The following PAK5 variants were observed in gnomAD, a reference collection of about 807,000 sequenced individuals.
The protein encoded by PAK5 is p21 (RAC1) activated kinase 5.
PAK5 carries 16 observed loss-of-function variants against 65.9 expected under a neutral mutation model. That is an observed-to-expected ratio of 0.24 (90% CI 0.16 to 0.37). PAK5 has a LOEUF of 0.37. Ranked by LOEUF, PAK5 falls within the 10% of genes least tolerant of loss-of-function variation. The probability of loss-of-function intolerance (pLI) is 1.00; values close to 1 mark genes in which losing one functional copy is unlikely to be tolerated. For synonymous variants in PAK5, 371 were observed against 354.9 expected, an observed-to-expected ratio of 1.05 and a Z score of -0.51; for missense variants, 785 against 903.9, an observed-to-expected ratio of 0.87 and a Z score of 1.69.
chr20:9,711,296 T>C lies in PAK5; in HGVS notation c.-22A>G, dbSNP rs1569053279. ...AATTTATTCCCCTACCTTTATATGA[T>C]GGCTGTGGATGAATTAAAGACTCCA... On this transcript the variant is annotated 5_prime_UTR_variant, in exon 2 of 10. Transcript: ENST00000353224. 1 of 152,190 alleles carries C rather than the reference T, an allele frequency of 6.6e-6. No individual in the cohort carries two copies. The highest frequency in any genetic ancestry group is 1.5e-5 in the Non-Finnish European group (1 of 68,040). 9.4% of individuals were successfully genotyped at this position (152,190 alleles called of 1,614,324 possible).
chr20:9,759,745 G>A (rs1441548245), intron 1 of PAK5, among the ~76,000 whole-genome samples: 1 of 152,106 alleles, frequency 6.6e-6, no homozygotes, highest in Non-Finnish European at 1.5e-5. Flanking sequence ...ACCCAGCTAC[G>A]AAATGACTCC....
intron 7 of PAK5, among the ~76,000 whole-genome samples, chr20:9,546,257 C>T (rs1251458706): frequency 1.3e-5 from 2 of 152,200 alleles, no homozygotes; most frequent in South Asian, 2.1e-4. Flanking sequence ...CTTTATCACA[C>T]ACCTATCTCT....
chr20:9,626,353 A>G (rs988138386), intron 3 of PAK5, among the ~76,000 whole-genome samples: 1 of 152,254 alleles, frequency 6.6e-6, no homozygotes, highest in Admixed American at 6.5e-5. Flanking sequence ...ACCCCAGGGA[A>G]CTAACTGCAG....
intron 1 of PAK5, among the ~76,000 whole-genome samples, chr20:9,820,872 C>A (rs1326537597): frequency 6.6e-6 from 1 of 152,122 alleles, no homozygotes; most frequent in Non-Finnish European, 1.5e-5. Flanking sequence ...TCAGGTTCAA[C>A]AATTAGAGTA....
Position 9,811,613 on chromosome 20 carries a change from C to T in PAK5, c.-162+27149G>A, listed in dbSNP as rs145160014. Among the ~76,000 whole-genome samples the T allele has an allele frequency of 8.3e-4, 126 of 152,268 alleles. 4 individuals are homozygous for T. The highest frequency in any genetic ancestry group is 2.8e-3 in the African/African-American group (116 of 41,566). ...CTGAACAAGAATGGCTGCATTCAAC[C>T]TAGCTGGTCTATACATCTAGAAACT... On this transcript the variant is annotated intron_variant, in intron 1 of 9. Transcript: ENST00000353224.
intron 1 of PAK5, among the ~76,000 whole-genome samples, chr20:9,802,131 G>T (rs1119434): frequency 0.59 from 89,637 of 151,982 alleles, 26,562 homozygotes; most frequent in Admixed American, 0.65. Context: ...AGATTAGCCC[G>T]ATAGGGCATG....
chr20:9,584,871 G>A (rs1245026126), intron 3 of PAK5, among the ~76,000 whole-genome samples: 1 of 152,146 alleles, frequency 6.6e-6, no homozygotes, highest in Non-Finnish European at 1.5e-5. Context: ...CAAACAAAAT[G>A]TCATCAGGAA....
intron 7 of PAK5, among the ~76,000 whole-genome samples, chr20:9,549,023 AT>A (rs1446188220): frequency 6.6e-6 from 1 of 152,142 alleles, no homozygotes; most frequent in African/African-American, 2.4e-5. Flanking sequence ...AGATCATAGA[AT>A]TTCACATGTA....
chr20:9,662,514 A>T (rs1181156862), intron 2 of PAK5, among the ~76,000 whole-genome samples: 1 of 152,158 alleles, frequency 6.6e-6, no homozygotes, highest in Non-Finnish European at 1.5e-5. Flanking sequence ...GCATGTGCAC[A>T]GAAGTGAAAT....
chr20:9,552,913 G>A (rs73241759), intron 7 of PAK5, among the ~76,000 whole-genome samples: 1,848 of 152,076 alleles, frequency 0.012, 32 homozygotes, highest in African/African-American at 0.04. Flanking sequence ...GTAGAGATGA[G>A]ATGGGACTTC....
At chr20:9,564,155 A>T (rs6039503) in intron 5 of PAK5, among the ~76,000 whole-genome samples, 57,435 of 152,038 alleles carry the variant, frequency 0.38, 14,078 homozygotes, top group African/African-American at 0.71. Flanking sequence ...ACAAAAACTT[A>T]TCTTTCCCCT....
chr20:9,710,882 G>T (rs2048069688), intron 2 of PAK5, among the ~76,000 whole-genome samples: 1 of 152,060 alleles, frequency 6.6e-6, no homozygotes, highest in South Asian at 2.1e-4. Context: ...ATGGATCCTG[G>T]TTCATGACAC....
At chr20:9,746,035 A>G (rs963020383) in intron 1 of PAK5, among the ~76,000 whole-genome samples, 4 of 152,212 alleles carry the variant, frequency 2.6e-5, no homozygotes, top group African/African-American at 9.6e-5. Context: ...ACCCAATGTT[A>G]ATAAAAAATG....
intron 4 of PAK5, among the ~76,000 whole-genome samples, chr20:9,579,391 A>C (rs1351556553): frequency 6.6e-6 from 1 of 152,182 alleles, no homozygotes; most frequent in Non-Finnish European, 1.5e-5. Context: ...GGACCCATAG[A>C]CCTTTGCCTG....
At chr20:9,553,209 T>A (rs2045456615) in intron 7 of PAK5, among the ~76,000 whole-genome samples, 1 of 152,132 alleles carries the variant, frequency 6.6e-6, no homozygotes, top group Admixed American at 6.5e-5. Flanking sequence ...GTGTGTAGTG[T>A]ATATAAGTAT....
intron 1 of PAK5, among the ~76,000 whole-genome samples, chr20:9,804,204 C>A (rs1183571021): frequency 6.6e-6 from 1 of 152,154 alleles, no homozygotes; most frequent in Non-Finnish European, 1.5e-5. Context: ...CTGAGAGGTG[C>A]TGTCATAGTT....
chr20:9,787,214 G>T (rs962224640), intron 1 of PAK5, among the ~76,000 whole-genome samples: 6 of 152,110 alleles, frequency 3.9e-5, no homozygotes, highest in Non-Finnish European at 5.9e-5. Flanking sequence ...TACTTGCCTG[G>T]TTTCATAAAG....
chr20:9,786,850 T>A (rs2048998219), intron 1 of PAK5, among the ~76,000 whole-genome samples: 2 of 152,196 alleles, frequency 1.3e-5, no homozygotes. Flanking sequence ...AAAAGTTTCC[T>A]GTTGAGATTC....
rs112830487 is a variant in PAK5 at position 9,707,757 on chromosome 20, A to G, written c.-12+3529T>C. On this transcript the variant is annotated intron_variant, in intron 2 of 9. Coordinates refer to ENST00000353224, the MANE Select transcript of PAK5 (RefSeq NM_177990.4). ...TAAGTCTTGGCTAGCCTGCTGGAGA[A>G]GTGAGTTGCCCTAGCCACATCCAGT... 3.4e-3 allele frequency among the ~76,000 whole-genome samples: 516 copies of G among 152,248 alleles called. 3 individuals are homozygous for G. The highest frequency in any genetic ancestry group is 0.012 in the African/African-American group (486 of 41,556).
Sources: allele counts gnomAD v4.1 joint callset (sites outside exome capture counted in the v4.1 genomes callset), GRCh38; gene constraint gnomAD v4.1.1; transcripts MANE v1.5; gene names NCBI Gene and HGNC (gene_info 2026-07-23, HGNC 2026-07-21).